The following ZFHX3 variants were observed in gnomAD, a reference collection of about 807,000 sequenced individuals.
ZFHX3 encodes the protein zinc finger homeobox 3, also known as zinc finger homeobox protein 3.
A neutral mutation model predicts 279.1 loss-of-function variants in ZFHX3; 42 were observed. The ratio of observed to expected loss-of-function variants is 0.15; its 90% CI spans 0.12 to 0.19. The LOEUF (loss-of-function observed/expected upper bound fraction) is 0.19, where lower values mean the gene tolerates loss of function less well. ZFHX3 is among the 10% of genes least tolerant of loss of function. The probability of loss-of-function intolerance (pLI) is 1.00; values close to 1 mark genes in which losing one functional copy is unlikely to be tolerated. For missense variants in ZFHX3, 4,981 were observed against 4,754.0 expected, an observed-to-expected ratio of 1.05 and a Z score of -1.40; for synonymous variants, 2,293 against 1,957.8, an observed-to-expected ratio of 1.17 and a Z score of -4.52.
At position 72,787,052 on chromosome 16, in the gene ZFHX3, T is replaced by TTTTTTG; in HGVS notation, c.*111_*112insCAAAAA. On this transcript the variant is annotated 3_prime_UTR_variant, in exon 10 of 10. Coordinates refer to ENST00000268489, the MANE Select transcript of ZFHX3 (RefSeq NM_006885.4). ...TTTCTTTTTTTTCTTTTTTTTTTTT[T>TTTTTTG]TTTTGTTTTTTGGTTAGAAGCTTTG... 9.5e-7 allele frequency: 1 copy of TTTTTTG among 1,048,796 alleles called. No homozygotes were observed. The highest frequency in any genetic ancestry group is 1.2e-6 in the Non-Finnish European group (1 of 827,604). 65.0% of individuals were successfully genotyped at this position (1,048,796 alleles called of 1,614,324 possible).
At chr16:73,264,184 G>C (rs1202993638) in intron 4 of ZFHX3, among the ~76,000 whole-genome samples, 7 of 152,126 alleles carry the variant, frequency 4.6e-5, no homozygotes, top group Non-Finnish European at 7.4e-5. Context: ...AAAAGGGCCT[G>C]GGAGTGAGTT....
At chr16:73,814,428 C>T (rs891669793) in intron 1 of ZFHX3, among the ~76,000 whole-genome samples, 8 of 152,106 alleles carry the variant, frequency 5.3e-5, no homozygotes, top group Admixed American at 2.6e-4. Flanking sequence ...AAAAAGTAAT[C>T]GTGGGTCTTT....
At chr16:73,288,805 G>A (rs2014698082) in intron 4 of ZFHX3, among the ~76,000 whole-genome samples, 2 of 151,800 alleles carry the variant, frequency 1.3e-5, no homozygotes, top group Non-Finnish European at 2.9e-5. Context: ...ATAACCGCCC[G>A]TTTTCACATG....
Position 73,888,182 on chromosome 16 carries a change from A to G in ZFHX3, c.-1608+3469T>C, listed in dbSNP as rs978160199. Among the ~76,000 whole-genome samples, 15 of 152,190 alleles carry G rather than the reference A, an allele frequency of 9.9e-5. No individual in the cohort carries two copies. In the East Asian group the frequency reaches 2.9e-3, roughly 29 times the overall value. ...ATTTGTACTGAATAATGCTCACGTC[A>G]GGAATGAGTAAAACTAGGTTAGAAG... is the stretch of plus-strand genomic sequence containing the variant. On this transcript the variant is annotated intron_variant, in intron 1 of 17. Coordinates refer to the ZFHX3 transcript ENST00000641206.
chr16:73,605,979 T>C (rs1334955325), intron 2 of ZFHX3, among the ~76,000 whole-genome samples: 1 of 150,966 alleles, frequency 6.6e-6, no homozygotes, highest in African/African-American at 2.4e-5. Context: ...GGTCAGGAGA[T>C]GAGACCATCC....
intron 2 of ZFHX3, among the ~76,000 whole-genome samples, chr16:73,507,228 G>T (rs1415925586): frequency 2.0e-5 from 3 of 152,208 alleles, no homozygotes; most frequent in Non-Finnish European, 4.4e-5. Context: ...TAAAGAGGAA[G>T]AGGGAATAAA....
chr16:73,583,919 AAAG>A (rs1295397035), intron 2 of ZFHX3, among the ~76,000 whole-genome samples: 13 of 152,240 alleles, frequency 8.5e-5, no homozygotes, highest in Non-Finnish European at 1.6e-4. Flanking sequence ...GAAATAATAA[AAAG>A]AATAGGAAAA....
intron 3 of ZFHX3, among the ~76,000 whole-genome samples, chr16:73,431,228 C>G (rs543901872): frequency 5.1e-5 from 6 of 117,150 alleles, no homozygotes; most frequent in African/African-American, 2.0e-4. Flanking sequence ...TTATGGGAAT[C>G]TGTTTTTTTG....
chr16:73,674,099 G>A (rs553149127), intron 2 of ZFHX3, among the ~76,000 whole-genome samples: 1 of 152,288 alleles, frequency 6.6e-6, no homozygotes. Context: ...TCGAAGGAAG[G>A]GGCCAAATCT....
At chr16:73,185,561 C>G (rs4531750) in intron 5 of ZFHX3, among the ~76,000 whole-genome samples, 19,526 of 152,168 alleles carry the variant, frequency 0.13, 1,451 homozygotes, top group Admixed American at 0.22. Flanking sequence ...GGGCAAACCT[C>G]TGGATTTGAG....
At chr16:73,111,717 GAAAGA>G (rs1286513057) in intron 7 of ZFHX3, among the ~76,000 whole-genome samples, 4 of 151,290 alleles carry the variant, frequency 2.6e-5, no homozygotes, top group African/African-American at 9.7e-5. Flanking sequence ...AGAAAGAAAG[GAAAGA>G]AAAGAAAAGG....
intron 5 of ZFHX3, among the ~76,000 whole-genome samples, chr16:73,178,905 G>A (rs183813353): frequency 8.5e-5 from 13 of 152,188 alleles, no homozygotes; most frequent in East Asian, 7.7e-4. Context: ...CCAACGATAC[G>A]TAAATAAGCT....
At chr16:73,159,039 A>T (rs1232338804) in intron 5 of ZFHX3, among the ~76,000 whole-genome samples, 1 of 152,254 alleles carries the variant, frequency 6.6e-6, no homozygotes, top group African/African-American at 2.4e-5. Context: ...CATGAGGAAG[A>T]TGCCAAAAGC....
intron 5 of ZFHX3, among the ~76,000 whole-genome samples, chr16:73,191,549 G>A (rs987429982): frequency 3.3e-5 from 5 of 152,092 alleles, no homozygotes; most frequent in African/African-American, 1.2e-4. Context: ...CTCCAAAAGA[G>A]GAAATGCTGC....
chr16:73,011,895 T>C (rs1963932649), intron 1 of ZFHX3, among the ~76,000 whole-genome samples: 1 of 152,186 alleles, frequency 6.6e-6, no homozygotes, highest in African/African-American at 2.4e-5. Flanking sequence ...TCTGCACTAA[T>C]TCTGGGGCAC....
chr16:72,891,992 T>A (rs942767256), intron 3 of ZFHX3, among the ~76,000 whole-genome samples: 6 of 152,230 alleles, frequency 3.9e-5, no homozygotes, highest in African/African-American at 1.2e-4. Context: ...CAAGCTAGAA[T>A]GGTTAGAATG....
At chr16:73,600,552 G>A (rs957691340) in intron 2 of ZFHX3, among the ~76,000 whole-genome samples, 1 of 151,862 alleles carries the variant, frequency 6.6e-6, no homozygotes, top group African/African-American at 2.4e-5. Flanking sequence ...CAAGTAGCTG[G>A]GACTACAGGC....
intron 4 of ZFHX3, among the ~76,000 whole-genome samples, chr16:73,312,850 A>T (rs571576937): frequency 6.0e-4 from 92 of 152,358 alleles, no homozygotes; most frequent in Non-Finnish European, 1.1e-3. Context: ...GTAGTTGCAA[A>T]CATTTGTATA....
chr16:73,736,418 C>T (rs2053610809), intron 1 of ZFHX3, among the ~76,000 whole-genome samples: 1 of 152,224 alleles, frequency 6.6e-6, no homozygotes, highest in African/African-American at 2.4e-5. Flanking sequence ...AACCTTGAAA[C>T]ATCATCCTCA....
Sources: allele counts gnomAD v4.1 joint callset (sites outside exome capture counted in the v4.1 genomes callset), GRCh38; gene constraint gnomAD v4.1.1; transcripts MANE v1.5; gene names NCBI Gene and HGNC (gene_info 2026-07-23, HGNC 2026-07-21).